Variants in TIMP3 observed in about 807,000 individuals in gnomAD.
TIMP3 encodes the protein TIMP metallopeptidase inhibitor 3.
In TIMP3, 11 loss-of-function variants were observed where a neutral mutation model predicts 30.0. The observed-to-expected ratio is 0.37, with a 90% confidence interval of 0.23 to 0.61. TIMP3 has a LOEUF of 0.61. TIMP3 is among the 20% of genes least tolerant of loss of function. The pLI is 0.70. For missense variants in TIMP3, 181 were observed against 276.8 expected (o/e 0.65, Z 2.45); for synonymous variants, 112 against 111.3 (o/e 1.01, Z -0.04).
chr22:32,838,318 G>C (rs1490836677), intron 1 of TIMP3, among the ~76,000 whole-genome samples: 1 of 152,210 alleles, frequency 6.6e-6, no homozygotes, highest in Admixed American at 6.5e-5. Flanking sequence ...ACAGGACCTG[G>C]AGATGGGGCC....
Position 32,859,784 on chromosome 22 carries a change from C to G in TIMP3, c.*407C>G. 4.3e-6 allele frequency: 1 copy of G among 232,754 alleles called. No homozygotes were observed. Among genetic ancestry groups the G allele is most frequent in the South Asian group, 6.4e-5 (1 of 15,686 alleles). The allele number at this position is 232,754 out of a possible 1,614,324, so 14.4% of individuals were successfully genotyped here. A position where few individuals can be genotyped will look rare whatever the true frequency, so the allele number is the denominator to read the frequency against. On this transcript the variant is annotated 3_prime_UTR_variant, in exon 5 of 5. Transcript: ENST00000266085. ...TCTCCCAGACCCTCTTCCCTTTGCCCTTCTCCTCCAATACATAAAGGACAC... is the reference window on the plus strand; with the variant it reads ...TCTCCCAGACCCTCTTCCCTTTGCCGTTCTCCTCCAATACATAAAGGACAC...
intron 1 of TIMP3, among the ~76,000 whole-genome samples, chr22:32,841,012 C>G (rs996994087): frequency 1.3e-5 from 2 of 152,150 alleles, no homozygotes; most frequent in South Asian, 2.1e-4. Context: ...GCTGTTACCC[C>G]CTTTTGATTG....
intron 1 of TIMP3, among the ~76,000 whole-genome samples, chr22:32,845,426 G>A (rs867452540): frequency 1.4e-4 from 21 of 152,138 alleles, no homozygotes; most frequent in Middle Eastern, 3.4e-3. Context: ...TCTTGACCTC[G>A]TGATCTGCCC....
Position 32,837,839 on chromosome 22 carries a change from C to T in TIMP3, c.122-11613C>T, listed in dbSNP as rs922854675. Among the ~76,000 whole-genome samples, 13 of 152,190 alleles carry T rather than the reference C, an allele frequency of 8.5e-5. No homozygotes were observed. Among genetic ancestry groups the T allele is most frequent in the African/African-American group, 3.1e-4 (13 of 41,446 alleles). The stretch of plus-strand genomic sequence containing the variant: ...ACCTACCAAGCTGGGAGTTACCGCC[C>T]ACTGCAAGGCACCCCTGTACTTTGT... On this transcript the variant is annotated intron_variant, in intron 1 of 4. Coordinates refer to ENST00000266085, the MANE Select transcript of TIMP3 (RefSeq NM_000362.5). The surrounding 1 kb of genome is among the most constrained non-coding windows in gnomAD (Gnocchi z 4.1).
Position 32,832,820 on chromosome 22 carries a change from T to C in TIMP3, c.122-16632T>C, listed in dbSNP as rs114058750. On this transcript the variant is annotated intron_variant, in intron 1 of 4. Transcript: ENST00000266085. ...CTGGCTTCCTGCAGCCTCAACTTCCTAGGCTCAAGTGATCCGTTTCCCTCA... is the reference window on the plus strand; with the variant it reads ...CTGGCTTCCTGCAGCCTCAACTTCCCAGGCTCAAGTGATCCGTTTCCCTCA... Among the ~76,000 whole-genome samples the C allele has an allele frequency of 9.7e-3, 1,480 of 152,208 alleles. 25 individuals carry two copies. The highest frequency in any genetic ancestry group is 0.033 in the African/African-American group (1,385 of 41,522).
chr22:32,831,369 A>G (rs955942323), intron 1 of TIMP3, among the ~76,000 whole-genome samples: 1 of 152,216 alleles, frequency 6.6e-6, no homozygotes, highest in Non-Finnish European at 1.5e-5. Context: ...TCAGAGCATT[A>G]GAGTGGGCTG....
chr22:32,804,722 A>G (rs1302999853), intron 1 of TIMP3, among the ~76,000 whole-genome samples: 2 of 152,144 alleles, frequency 1.3e-5, no homozygotes, highest in African/African-American at 2.4e-5. Flanking sequence ...AGGTGTTTCT[A>G]TGGCAACTCC....
intron 1 of TIMP3, among the ~76,000 whole-genome samples, chr22:32,824,149 A>T (rs898004819): frequency 9.2e-5 from 14 of 151,922 alleles, no homozygotes; most frequent in African/African-American, 2.4e-4. Flanking sequence ...GTGGTGGCGC[A>T]CATCTGAAGT....
intron 1 of TIMP3, among the ~76,000 whole-genome samples, chr22:32,807,969 G>A (rs1340068190): frequency 6.6e-6 from 1 of 152,162 alleles, no homozygotes; most frequent in Admixed American, 6.5e-5. Flanking sequence ...TTGACTTACT[G>A]AGTGTTTTTT....
Position 32,829,824 on chromosome 22 carries a change from G to A in TIMP3, c.122-19628G>A, listed in dbSNP as rs116250357. Among the ~76,000 whole-genome samples the A allele has an allele frequency of 3.1e-3, 471 of 152,334 alleles. 5 individuals carry two copies. The highest frequency in any genetic ancestry group is 0.01 in the African/African-American group (436 of 41,584). The stretch of plus-strand genomic sequence containing the variant: ...AGCGGGCTTCACCATGCACTCTGAC[G>A]TACCACTTTTGGCCCAACCAAACTA... On this transcript the variant is annotated intron_variant, in intron 1 of 4. Transcript: ENST00000266085.
chr22:32,861,923 G>A lies in TIMP3; in HGVS notation c.*2546G>A, dbSNP rs1254547952. ...TAATATGTGTACATTGTGTTTAAGA[G>A]AAAAATGAAACCCACATGCCGCCAT... On this transcript the variant is annotated 3_prime_UTR_variant, in exon 5 of 5. Coordinates refer to ENST00000266085, the MANE Select transcript of TIMP3 (RefSeq NM_000362.5). The A allele has an allele frequency of 6.6e-6, 1 of 152,544 alleles. No individual in the cohort carries two copies. The highest frequency in any genetic ancestry group is 2.4e-5 in the African/African-American group (1 of 41,390). 9.4% of individuals were successfully genotyped at this position (152,544 alleles called of 1,614,324 possible).
At chr22:32,814,364 A>AG in intron 1 of TIMP3, among the ~76,000 whole-genome samples, 3 of 151,928 alleles carry the variant, frequency 2.0e-5, no homozygotes, top group Non-Finnish European at 2.9e-5. Context: ...AAAGAAAGAA[A>AG]GAAAGAAAGA....
chr22:32,856,490 C>G (rs961626273), intron 2 of TIMP3, among the ~76,000 whole-genome samples: 8 of 152,076 alleles, frequency 5.3e-5, no homozygotes, highest in African/African-American at 1.9e-4. Context: ...TGTCAGCAAG[C>G]CTTCTGGGTA....
intron 3 of TIMP3, among the ~76,000 whole-genome samples, chr22:32,857,762 G>C (rs756763476): frequency 6.6e-6 from 1 of 152,184 alleles, no homozygotes; most frequent in Non-Finnish European, 1.5e-5. Context: ...TTGGCCTCTA[G>C]TCCTAGCTCC....
intron 1 of TIMP3, among the ~76,000 whole-genome samples, chr22:32,841,356 G>A (rs1196219017): frequency 6.6e-6 from 1 of 152,202 alleles, no homozygotes; most frequent in Non-Finnish European, 1.5e-5. Context: ...AGGAGGGGGA[G>A]GAATGTGCAT....
chr22:32,821,839 C>T (rs577185666), intron 1 of TIMP3, among the ~76,000 whole-genome samples: 1 of 152,338 alleles, frequency 6.6e-6, no homozygotes, highest in South Asian at 2.1e-4. Flanking sequence ...CACTGCCTTC[C>T]ACTCCCTGCT....
chr22:32,832,566 A>G (rs1360839149), intron 1 of TIMP3, among the ~76,000 whole-genome samples: 1 of 148,460 alleles, frequency 6.7e-6, no homozygotes, highest in Admixed American at 6.7e-5. Flanking sequence ...CAAAAAAATT[A>G]TTATACTTGG....
At chr22:32,831,532 T>A (rs1262438759) in intron 1 of TIMP3, among the ~76,000 whole-genome samples, 1 of 152,136 alleles carries the variant, frequency 6.6e-6, no homozygotes, top group Non-Finnish European at 1.5e-5. Flanking sequence ...TAAAGCCTGG[T>A]CCCCATGGAG....
At chr22:32,853,096 C>G (rs973279414) in intron 2 of TIMP3, among the ~76,000 whole-genome samples, 2 of 152,190 alleles carry the variant, frequency 1.3e-5, no homozygotes, top group African/African-American at 4.8e-5. Context: ...AGTGGTTTGT[C>G]TAACCAAATG....
Sources: allele counts gnomAD v4.1 joint callset (sites outside exome capture counted in the v4.1 genomes callset), GRCh38; gene constraint gnomAD v4.1.1; non-coding constraint Gnocchi (gnomAD v3.1); transcripts MANE v1.5; gene names NCBI Gene and HGNC (gene_info 2026-07-23, HGNC 2026-07-21).